TAFA5: variants seen among roughly 807,000 people sequenced by gnomAD.
TAFA5 encodes TAFA chemokine like family member 5, also known as chemokine-like protein TAFA-5.
Under a neutral mutation model 15.3 loss-of-function variants are expected in TAFA5, and 6 were observed. The ratio of observed to expected loss-of-function variants is 0.39; its 90% CI spans 0.21 to 0.77. The LOEUF (loss-of-function observed/expected upper bound fraction) is 0.77. Among genes scored for constraint, TAFA5 ranks in the 30% least tolerant of loss-of-function variants. The probability of loss-of-function intolerance (pLI) is 0.41; values close to 1 mark genes in which losing one functional copy is unlikely to be tolerated. For synonymous variants in TAFA5, 103 were observed against 80.7 expected (o/e 1.28, Z -1.48); for missense variants, 161 against 193.1 (o/e 0.83, Z 0.98).
chr22:48,680,769 T>C (rs911615693), intron 2 of TAFA5, among the ~76,000 whole-genome samples: 3 of 152,246 alleles, frequency 2.0e-5, no homozygotes, highest in Non-Finnish European at 4.4e-5. Context: ...CTCTTCCCAC[T>C]GCAGCCGCCT....
intron 3 of TAFA5, among the ~76,000 whole-genome samples, chr22:48,745,963 C>T (rs1213448869): frequency 6.6e-6 from 1 of 152,132 alleles, no homozygotes; most frequent in South Asian, 2.1e-4. Context: ...CTGTGAGACC[C>T]GCAGGGGCAC....
intron 3 of TAFA5, among the ~76,000 whole-genome samples, chr22:48,712,521 G>A (rs1424300875): frequency 6.6e-6 from 1 of 152,244 alleles, no homozygotes; most frequent in Non-Finnish European, 1.5e-5. Context: ...ACGCGCCTGG[G>A]CACACAGGCT....
chr22:48,682,314 G>T (rs940364076), intron 2 of TAFA5, among the ~76,000 whole-genome samples: 12 of 152,210 alleles, frequency 7.9e-5, no homozygotes, highest in Admixed American at 7.8e-4. Context: ...ATGGCAGATG[G>T]CACCTGGGTG....
chr22:48,573,685 C>T (rs1923662568), intron 1 of TAFA5, among the ~76,000 whole-genome samples: 1 of 152,334 alleles, frequency 6.6e-6, no homozygotes, highest in Non-Finnish European at 1.5e-5. Context: ...TCCTGTCCCA[C>T]CTGTTGAAAG....
chr22:48,493,417 CCTAA>C (rs1406918143), intron 1 of TAFA5, among the ~76,000 whole-genome samples: 1 of 152,202 alleles, frequency 6.6e-6, no homozygotes, highest in Non-Finnish European at 1.5e-5. Context: ...CCATTAGAAT[CCTAA>C]CTGAGCGTAG....
chr22:48,637,786 T>G (rs1216127498), intron 1 of TAFA5, among the ~76,000 whole-genome samples: 2 of 152,054 alleles, frequency 1.3e-5, no homozygotes, highest in South Asian at 2.1e-4. Context: ...CCCAACACTT[T>G]CACAGCCACT....
intron 2 of TAFA5, among the ~76,000 whole-genome samples, chr22:48,666,353 CTTTACT>C (rs1167577822): frequency 6.6e-6 from 1 of 152,128 alleles, no homozygotes; most frequent in African/African-American, 2.4e-5. Flanking sequence ...AGTTCGTACA[CTTTACT>C]TTTTTTATAG....
chr22:48,726,892 G>T (rs1929732257), intron 3 of TAFA5, among the ~76,000 whole-genome samples: 1 of 152,166 alleles, frequency 6.6e-6, no homozygotes, highest in African/African-American at 2.4e-5. Flanking sequence ...AGGACGGGCT[G>T]GGGGCTCAGA....
At chr22:48,504,377 C>G (rs1920973254) in intron 1 of TAFA5, among the ~76,000 whole-genome samples, 1 of 152,204 alleles carries the variant, frequency 6.6e-6, no homozygotes, top group South Asian at 2.1e-4. Flanking sequence ...TGCCCTGCAG[C>G]AGAAAGACTT....
At chr22:48,509,779 G>A (rs554356670) in intron 1 of TAFA5, among the ~76,000 whole-genome samples, 107 of 151,990 alleles carry the variant, frequency 7.0e-4, no homozygotes, top group African/African-American at 2.5e-3. Flanking sequence ...GTGAAACCCC[G>A]TCTCTACTAA....
At chr22:48,531,139 T>C (rs1200710721) in intron 1 of TAFA5, among the ~76,000 whole-genome samples, 3 of 152,056 alleles carry the variant, frequency 2.0e-5, no homozygotes, top group Non-Finnish European at 4.4e-5. Context: ...ATCCAGGAAG[T>C]GTGGGTCTGC....
intron 1 of TAFA5, among the ~76,000 whole-genome samples, chr22:48,538,285 C>A (rs1162180755): frequency 6.6e-6 from 1 of 152,124 alleles, no homozygotes; most frequent in South Asian, 2.1e-4. Flanking sequence ...AGGAGGAGGA[C>A]AGTCCTGGGC....
At chr22:48,610,692 G>A (rs1925371488) in intron 1 of TAFA5, among the ~76,000 whole-genome samples, 1 of 152,228 alleles carries the variant, frequency 6.6e-6, no homozygotes, top group African/African-American at 2.4e-5. Flanking sequence ...TTCTGGGGCT[G>A]AGGCTGGGGC....
intron 1 of TAFA5, among the ~76,000 whole-genome samples, chr22:48,597,819 G>T (rs1215582119): frequency 6.6e-6 from 1 of 152,276 alleles, no homozygotes; most frequent in Middle Eastern, 3.2e-3. Flanking sequence ...TGGGTGTGGA[G>T]ACCCTGGTGA....
chr22:48,505,947 A>G (rs1407055381), intron 1 of TAFA5, among the ~76,000 whole-genome samples: 1 of 152,230 alleles, frequency 6.6e-6, no homozygotes, highest in Non-Finnish European at 1.5e-5. Context: ...TCGGACCTAC[A>G]GAGACACTCT....
Position 48,521,969 on chromosome 22 carries a change from G to C in TAFA5, c.112+32265G>C, listed in dbSNP as rs189500859. On this transcript the variant is annotated intron_variant, in intron 1 of 3. Coordinates refer to ENST00000402357, the MANE Select transcript of TAFA5 (RefSeq NM_001082967.3). ...TTAGACGACAAGGAGGACAGAGGCCGAGCTCCCGGCCAGCCAGTGCCCACC... is the reference window on the plus strand; with the variant it reads ...TTAGACGACAAGGAGGACAGAGGCCCAGCTCCCGGCCAGCCAGTGCCCACC... Among the ~76,000 whole-genome samples, 17 of 152,314 alleles carry C rather than the reference G, an allele frequency of 1.1e-4. No individual in the cohort carries two copies. The East Asian group carries it at 3.3e-3, about 29-fold the overall frequency.
At chr22:48,531,142 G>A (rs11913603) in intron 1 of TAFA5, among the ~76,000 whole-genome samples, 4,296 of 152,232 alleles carry the variant, frequency 0.028, 214 homozygotes, top group African/African-American at 0.098. Flanking sequence ...CAGGAAGTGT[G>A]GGTCTGCATG....
chr22:48,514,267 T>C (rs1163724472), intron 1 of TAFA5, among the ~76,000 whole-genome samples: 1 of 152,202 alleles, frequency 6.6e-6, no homozygotes, highest in Non-Finnish European at 1.5e-5. Context: ...GAGGTGGTGG[T>C]AGGCATTGGA....
intron 1 of TAFA5, chr22:48,545,752 T>A (rs1384539888): frequency 6.6e-6 from 1 of 152,420 alleles, no homozygotes; most frequent in Non-Finnish European, 1.5e-5. Flanking sequence ...AGTTACCTAG[T>A]GCCCCAAGGA....
Sources: gnomAD v4.1 joint callset for allele counts (sites outside exome capture counted in the v4.1 genomes callset) on GRCh38, gnomAD v4.1.1 for gene constraint, MANE v1.5 for transcripts, NCBI Gene and HGNC (gene_info 2026-07-23, HGNC 2026-07-21) for gene names.